The following ATPSCKMT variants were observed in gnomAD, a reference collection of about 807,000 sequenced individuals.
ATPSCKMT encodes ATP synthase subunit C lysine N-methyltransferase.
A neutral mutation model predicts 24.3 loss-of-function variants in ATPSCKMT; 24 were observed. That is an observed-to-expected ratio of 0.99 (90% confidence interval 0.71 to 1.39). The LOEUF (loss-of-function observed/expected upper bound fraction) is 1.39, where lower values mean the gene tolerates loss of function less well. Ranked by LOEUF, ATPSCKMT falls within the 40% of genes most tolerant of loss-of-function variation. The pLI is 0.00. For missense variants in ATPSCKMT, 311 were observed against 298.4 expected, an observed-to-expected ratio of 1.04 and a Z score of -0.31; for synonymous variants, 95 against 110.5, an observed-to-expected ratio of 0.86 and a Z score of 0.88.
intron 3 of ATPSCKMT, 36 bp from the exon 4 acceptor site, chr5:10,235,297 G>A (rs552815897): frequency 3.8e-6 from 6 of 1,578,130 alleles, no homozygotes; most frequent in East Asian, 2.3e-5. Flanking sequence ...TAGATTAAGT[G>A]CAAAAAGCCA....
At position 10,238,762 on chromosome 5, in the gene ATPSCKMT, T is replaced by C. The variant is rs567960809; in HGVS notation, c.306+305A>G. ...GAGTGAAATGCCATGATTTAACATA[T>C]TTCTTCTCATGCCACCTCTGTTGGC... On this transcript the variant is annotated intron_variant, in intron 2 of 4. Transcript: ENST00000511437. Among the ~76,000 whole-genome samples, 6 of 152,316 alleles carry C rather than the reference T, an allele frequency of 3.9e-5. No homozygotes were observed. In the South Asian group the frequency reaches 8.3e-4, roughly 21 times the overall value.
At chr5:10,235,572 G>A (rs1441928061) in intron 3 of ATPSCKMT, among the ~76,000 whole-genome samples, 1 of 152,186 alleles carries the variant, frequency 6.6e-6, no homozygotes, top group Non-Finnish European at 1.5e-5. Context: ...TGACCACACT[G>A]TGACCCCACT....
chr5:10,248,884 C>A (rs1181476448), intron 1 of ATPSCKMT, among the ~76,000 whole-genome samples: 3 of 152,126 alleles, frequency 2.0e-5, no homozygotes, highest in African/African-American at 4.8e-5. Flanking sequence ...AATATTAAGT[C>A]ATGATCTTGG....
rs1226350046 is a variant in ATPSCKMT at position 10,239,127 on chromosome 5, CACA to C, written c.243_245del (p.Val82del). 2.5e-6 allele frequency: 4 copies of C among 1,614,088 alleles called. No individual in the cohort carries two copies. Among genetic ancestry groups the C allele is most frequent in the African/African-American group, 2.7e-5 (2 of 74,924 alleles). ...ATCCTCTTCGGCATCGCAACATTTTCACAACATTTTCAATCTGCTTCGTAGTTG... is the reference window on the plus strand; with the variant it reads ...ATCCTCTTCGGCATCGCAACATTTTCACATTTTCAATCTGCTTCGTAGTTG... On this transcript the variant is annotated inframe_deletion, in exon 2 of 5. Transcript: ENST00000511437.
intron 1 of ATPSCKMT, among the ~76,000 whole-genome samples, chr5:10,246,745 C>CA (rs1277051398): frequency 2.0e-5 from 3 of 151,728 alleles, no homozygotes; most frequent in African/African-American, 7.3e-5. Context: ...ATTCAACCAG[C>CA]AAAAGATGTA....
chr5:10,231,800 T>C (rs1267011974), intron 4 of ATPSCKMT, among the ~76,000 whole-genome samples: 2 of 152,200 alleles, frequency 1.3e-5, no homozygotes, highest in Non-Finnish European at 1.5e-5. Flanking sequence ...GAACAGGGCT[T>C]GCTATAGTGG....
Position 10,239,278 on chromosome 5 carries a change from T to C in ATPSCKMT, c.95A>G (p.Gln32Arg), listed in dbSNP as rs1316027502. 1 of 1,614,232 alleles carries C rather than the reference T, an allele frequency of 6.2e-7. No homozygotes were observed. The highest frequency in any genetic ancestry group is 1.3e-5 in the African/African-American group (1 of 75,056). ...LPASFEVNSLQKSNWGFLLTG... is the reference protein window; with the variant it reads ...LPASFEVNSLRKSNWGFLLTG... ...AAGTAAGAACCCCCAGTTGCTTTTC[T>C]GCAAACTGTTGACTTCAAAACTTGC... Residue 32 changes from glutamine (Q) to arginine (R), a missense_variant, in exon 2 of 5, where the codon CAG becomes CGG. Physicochemically the swap from Gln to Arg is conservative, Grantham distance 43. Transcript: ENST00000511437.
intron 2 of ATPSCKMT, 154 bp downstream of exon 2, chr5:10,238,913 G>T: frequency 3.5e-6 from 3 of 869,014 alleles, no homozygotes; most frequent in East Asian, 2.6e-5. Flanking sequence ...CAAACACACT[G>T]GTAGTTGAAT....
chr5:10,246,070 AC>A (rs1005573519), intron 1 of ATPSCKMT, among the ~76,000 whole-genome samples: 2 of 151,936 alleles, frequency 1.3e-5, no homozygotes, highest in African/African-American at 4.8e-5. Context: ...TTTAGCTATC[AC>A]CCCCGCATCC....
chr5:10,227,289 C>T lies in ATPSCKMT; in HGVS notation c.*152G>A. 1.3e-6 allele frequency: 1 copy of T among 790,276 alleles called. No individual in the cohort carries two copies. The allele number at this position is 790,276 out of a possible 1,614,324, so 49.0% of individuals were successfully genotyped here. A position where few individuals can be genotyped will look rare whatever the true frequency, so the allele number is the denominator to read the frequency against. ...GCAGATTTTAAATCTACCTGTTTTTCTTCGTTTGTTTTCTCCAACAGTTAA... is the reference window on the plus strand; with the variant it reads ...GCAGATTTTAAATCTACCTGTTTTTTTTCGTTTGTTTTCTCCAACAGTTAA... On this transcript the variant is annotated 3_prime_UTR_variant, in exon 5 of 5. Transcript: ENST00000511437.
chr5:10,240,820 AC>A (rs1744605614), intron 1 of ATPSCKMT, among the ~76,000 whole-genome samples: 1 of 151,918 alleles, frequency 6.6e-6, no homozygotes, highest in Admixed American at 6.6e-5. Flanking sequence ...ACATGGAGAA[AC>A]CCCATCTCTA....
chr5:10,229,156 C>T (rs74342613), intron 4 of ATPSCKMT, among the ~76,000 whole-genome samples: 3,750 of 152,240 alleles, frequency 0.025, 162 homozygotes, highest in East Asian at 0.16. Flanking sequence ...AATAACACTG[C>T]GATTCTGTCA....
intron 4 of ATPSCKMT, among the ~76,000 whole-genome samples, chr5:10,232,020 T>C (rs547742077): frequency 7.9e-5 from 12 of 152,194 alleles, no homozygotes; most frequent in African/African-American, 2.6e-4. Flanking sequence ...CTGGGCAACA[T>C]AGTGAGACTC....
intron 1 of ATPSCKMT, chr5:10,249,287 GT>G (rs1240776668): frequency 1.4e-4 from 21 of 150,258 alleles, no homozygotes; most frequent in African/African-American, 4.9e-4. Context: ...AAAAAAGAGT[GT>G]GGGACCCATT....
chr5:10,249,677 C>T (rs1745202489), intron 1 of ATPSCKMT, 181 bp downstream of exon 1: 4 of 991,482 alleles, frequency 4.0e-6, no homozygotes, highest in Non-Finnish European at 5.7e-6. Context: ...TCGCCAGAAC[C>T]GGCGCGGGCA....
Position 10,239,380 on chromosome 5 carries a change from G to C in ATPSCKMT, c.17-24C>G, listed in dbSNP as rs552749691. On this transcript the variant is annotated intron_variant, in intron 1 of 4. Coordinates refer to ENST00000511437, the MANE Select transcript of ATPSCKMT (RefSeq NM_199133.4). Reference sequence around the variant, plus strand: ...ACCTAGATTGAAAGCAAGCAGAAGAGACACATGTAGCACCAAATCTGAAAT... The same window carrying C: ...ACCTAGATTGAAAGCAAGCAGAAGACACACATGTAGCACCAAATCTGAAAT... 2.5e-4 allele frequency: 394 copies of C among 1,576,726 alleles called. 4 individuals are homozygous for C. The South Asian group carries it at 4.3e-3, about 17-fold the overall frequency.
chr5:10,237,334 C>G (rs1300694787), intron 2 of ATPSCKMT, among the ~76,000 whole-genome samples: 3 of 152,234 alleles, frequency 2.0e-5, no homozygotes, highest in African/African-American at 7.2e-5. Flanking sequence ...CACAGATACT[C>G]TTCAAATACG....
Position 10,225,951 on chromosome 5 carries a change from T to C in ATPSCKMT, c.*1490A>G, listed in dbSNP as rs1057061296. On this transcript the variant is annotated 3_prime_UTR_variant, in exon 5 of 5. Transcript: ENST00000511437. The stretch of plus-strand genomic sequence containing the variant: ...CAACTGAGAGGCATAGAGCAAGAGC[T>C]GCCCTCCCACTAAAGTCACACACCA... 2.6e-5 allele frequency among the ~76,000 whole-genome samples: 4 copies of C among 152,152 alleles called. No homozygotes were observed. The highest frequency in any genetic ancestry group is 6.5e-5 in the Admixed American group (1 of 15,270).
chr5:10,246,009 T>G (rs1744904660), intron 1 of ATPSCKMT, among the ~76,000 whole-genome samples: 1 of 152,216 alleles, frequency 6.6e-6, no homozygotes, highest in African/African-American at 2.4e-5. Context: ...CAACCATCAC[T>G]ACAGTCAATT....
Sources: gnomAD v4.1 joint callset for allele counts (sites outside exome capture counted in the v4.1 genomes callset) on GRCh38, gnomAD v4.1.1 for gene constraint, MANE v1.5 for transcripts, NCBI Gene and HGNC (gene_info 2026-07-23, HGNC 2026-07-21) for gene names.